Variants in KCNN2 observed in about 807,000 individuals in gnomAD.
KCNN2 encodes small conductance calcium-activated potassium channel protein 2.
A neutral mutation model predicts 55.5 loss-of-function variants in KCNN2; 24 were observed. The observed-to-expected ratio is 0.43, with a 90% CI of 0.31 to 0.61. The LOEUF is 0.61. Ranked by LOEUF, KCNN2 falls within the 20% of genes least tolerant of loss-of-function variation. The pLI, the probability that KCNN2 is intolerant of heterozygous loss-of-function variation, is 0.08. For missense variants in KCNN2, 754 were observed against 853.6 expected (o/e 0.88, Z 1.45); for synonymous variants, 431 against 336.1 (o/e 1.28, Z -3.09).
intron 2 of KCNN2, among the ~76,000 whole-genome samples, chr5:114,296,825 TA>T (rs1460836335): frequency 1.4e-4 from 22 of 152,232 alleles, no homozygotes; most frequent in Non-Finnish European, 2.9e-5. Flanking sequence ...ATTTTGACAT[TA>T]AAATGTGACA....
intron 6 of KCNN2, among the ~76,000 whole-genome samples, chr5:114,493,151 A>T (rs1291879127): frequency 6.6e-6 from 1 of 152,132 alleles, no homozygotes; most frequent in Non-Finnish European, 1.5e-5. Context: ...TTCTGAATTC[A>T]ACTTTACCTG....
chr5:114,264,078 T>G (rs1344956954), intron 2 of KCNN2, among the ~76,000 whole-genome samples: 2 of 152,160 alleles, frequency 1.3e-5, no homozygotes, highest in Non-Finnish European at 2.9e-5. Context: ...TACTTCCAAT[T>G]AGGTGATTAT....
At chr5:114,249,861 C>T (rs1754824065) in intron 2 of KCNN2, among the ~76,000 whole-genome samples, 6 of 151,958 alleles carry the variant, frequency 3.9e-5, no homozygotes, top group Admixed American at 3.9e-4. Context: ...AGAAGACTTG[C>T]AGGTAAGGAT....
At chr5:114,138,973 A>G (rs1372788932) in intron 1 of KCNN2, among the ~76,000 whole-genome samples, 1 of 152,214 alleles carries the variant, frequency 6.6e-6, no homozygotes, top group Non-Finnish European at 1.5e-5. Context: ...CTAAAATAAA[A>G]GGAAATAAAT....
chr5:114,284,430 T>A (rs1755693603), intron 2 of KCNN2, among the ~76,000 whole-genome samples: 1 of 152,174 alleles, frequency 6.6e-6, no homozygotes, highest in South Asian at 2.1e-4. Context: ...AAATTGTGAG[T>A]TTTCATCTTA....
At chr5:114,347,647 G>T (rs1053027519) in intron 2 of KCNN2, among the ~76,000 whole-genome samples, 29 of 151,972 alleles carry the variant, frequency 1.9e-4, no homozygotes, top group Admixed American at 1.2e-3. Flanking sequence ...TTTTTCCATT[G>T]TCTATGTGAC....
intron 1 of KCNN2, among the ~76,000 whole-genome samples, chr5:114,141,809 T>A (rs1183591446): frequency 1.3e-5 from 2 of 152,212 alleles, no homozygotes; most frequent in African/African-American, 4.8e-5. Flanking sequence ...CCTGACTTTT[T>A]AATGATCGCC....
intron 2 of KCNN2, among the ~76,000 whole-genome samples, chr5:114,379,070 T>G (rs568544496): frequency 6.6e-6 from 1 of 152,128 alleles, no homozygotes; most frequent in Non-Finnish European, 1.5e-5. Flanking sequence ...TAGAAGCCCC[T>G]CAGGGCCGCA....
At chr5:114,491,686 T>C (rs1347121550) in intron 6 of KCNN2, among the ~76,000 whole-genome samples, 3 of 152,148 alleles carry the variant, frequency 2.0e-5, no homozygotes, top group African/African-American at 7.2e-5. Flanking sequence ...AATACCTCTG[T>C]TGGTATGAAT....
At chr5:114,252,036 G>T (rs923547685) in intron 2 of KCNN2, among the ~76,000 whole-genome samples, 1 of 151,190 alleles carries the variant, frequency 6.6e-6, no homozygotes, top group Non-Finnish European at 1.5e-5. Context: ...GCCCCACCAA[G>T]CCCGGCTAAT....
At chr5:114,358,367 G>C (rs549956771), upstream of KCNN2, among the ~76,000 whole-genome samples, 4 of 152,256 alleles carry the variant, frequency 2.6e-5, no homozygotes, top group South Asian at 8.3e-4. Context: ...AAATGTGTTT[G>C]TGTGTGGGAT....
At chr5:114,304,027 T>C (rs1756218793) in intron 2 of KCNN2, among the ~76,000 whole-genome samples, 1 of 152,196 alleles carries the variant, frequency 6.6e-6, no homozygotes, top group African/African-American at 2.4e-5. Flanking sequence ...TTAACTGTTA[T>C]ATACTTTATT....
intron 2 of KCNN2, among the ~76,000 whole-genome samples, chr5:114,338,002 C>A (rs1580730931): frequency 6.6e-6 from 1 of 152,122 alleles, no homozygotes. Flanking sequence ...GTTATATTTT[C>A]ATTTTTTGTC....
At chr5:114,114,220 T>C (rs1250895863) in intron 1 of KCNN2, among the ~76,000 whole-genome samples, 1 of 152,062 alleles carries the variant, frequency 6.6e-6, no homozygotes, top group Non-Finnish European at 1.5e-5. Context: ...ACTGGTGGAA[T>C]TCACTTACTC....
intron 1 of KCNN2, among the ~76,000 whole-genome samples, chr5:114,174,813 C>T (rs1041247274): frequency 1.4e-4 from 22 of 152,124 alleles, no homozygotes; most frequent in African/African-American, 4.8e-4. Flanking sequence ...GCTGCCCCAG[C>T]AGCTGCCAAA....
intron 4 of KCNN2, 75 bp downstream of exon 4, chr5:114,463,265 A>G: frequency 3.4e-6 from 4 of 1,169,606 alleles, no homozygotes; most frequent in South Asian, 1.6e-5. Context: ...CCACGTGCAT[A>G]AGTAATTGTG....
At chr5:114,129,933 G>T (rs1436963468) in intron 1 of KCNN2, among the ~76,000 whole-genome samples, 1 of 152,114 alleles carries the variant, frequency 6.6e-6, no homozygotes, top group Non-Finnish European at 1.5e-5. Flanking sequence ...TCTTCCATAG[G>T]GTTATTAGGT....
In KCNN2 at chr5:114,264,266, C is replaced by T. The variant is rs114651063; in HGVS notation, c.-185+42701C>T. ...CATTAACAAAATTCATTCTGGTACC[C>T]TTTCTGTATATGAATTATAATCTAC... is the stretch of plus-strand genomic sequence containing the variant. On this transcript the variant is annotated intron_variant, in intron 2 of 10. Coordinates refer to the KCNN2 transcript ENST00000512097. 3.6e-3 allele frequency among the ~76,000 whole-genome samples: 542 copies of T among 151,974 alleles called. 5 individuals are homozygous for T. The highest frequency in any genetic ancestry group is 0.012 in the African/African-American group (515 of 41,424).
chr5:114,216,475 C>T (rs1754003416), intron 1 of KCNN2, among the ~76,000 whole-genome samples: 1 of 152,060 alleles, frequency 6.6e-6, no homozygotes, highest in Non-Finnish European at 1.5e-5. Context: ...TGTCATTGGA[C>T]CATGTGAATC....
Sources: gnomAD v4.1 joint callset for allele counts (sites outside exome capture counted in the v4.1 genomes callset) on GRCh38, gnomAD v4.1.1 for gene constraint, MANE v1.5 for transcripts, NCBI Gene and HGNC (gene_info 2026-07-23, HGNC 2026-07-21) for gene names.